The following HOOK1 variants were observed in gnomAD, a reference collection of about 807,000 sequenced individuals.
HOOK1 encodes the protein protein Hook homolog 1.
Under a neutral mutation model 112.8 loss-of-function variants are expected in HOOK1, and 60 were observed. The observed-to-expected ratio is 0.53, with a 90% CI of 0.43 to 0.66. The LOEUF (loss-of-function observed/expected upper bound fraction) is 0.66. Among genes scored for constraint, HOOK1 ranks in the 30% least tolerant of loss-of-function variants. The pLI, the probability that HOOK1 is intolerant of heterozygous loss-of-function variation, is 0.00. For missense variants in HOOK1, 770 were observed against 856.0 expected (o/e 0.90, Z 1.25); for synonymous variants, 294 against 283.8 (o/e 1.04, Z -0.36).
In HOOK1 at chr1:59,840,380, T is replaced by C. The variant is rs769540549; in HGVS notation, c.610T>C (p.Leu204=). 3.2e-6 allele frequency: 5 copies of C among 1,575,508 alleles called. No homozygotes were observed. Among genetic ancestry groups the C allele is most frequent in the African/African-American group, 1.4e-5 (1 of 73,024 alleles). ...KEELRQRCEE[L]DMQVTTLQDE... is the part of the protein sequence containing the mutation. ...AGAGCTGAGGCAAAGATGTGAAGAA[T>C]TGGATATGCAGGTACGGGAAAAAAC... The change falls in exon 8 of 22, where the codon TTG becomes CTG. Residue 204 remains leucine (L), a synonymous_variant. Transcript: ENST00000371208.
chr1:59,865,307 T>A, intron 18 of HOOK1, 62 bp downstream of exon 18: 1 of 984,758 alleles, frequency 1.0e-6, no homozygotes, highest in Non-Finnish European at 1.6e-6. Flanking sequence ...CCTTTTTTAT[T>A]GAAGGATCCA....
chr1:59,826,014 A>G (rs2098389629), intron 2 of HOOK1, among the ~76,000 whole-genome samples: 1 of 152,204 alleles, frequency 6.6e-6, no homozygotes, highest in African/African-American at 2.4e-5. Context: ...AGATTTCTGG[A>G]TATTTCAAGA....
intron 1 of HOOK1, among the ~76,000 whole-genome samples, chr1:59,816,856 A>C (rs2098381952): frequency 6.6e-6 from 1 of 152,188 alleles, no homozygotes; most frequent in Admixed American, 6.5e-5. Context: ...GACCGTGCAA[A>C]CTGTTGCCTC....
intron 12 of HOOK1, among the ~76,000 whole-genome samples, chr1:59,849,818 A>C (rs2098406180): frequency 6.6e-6 from 1 of 151,672 alleles, no homozygotes; most frequent in Non-Finnish European, 1.5e-5. Context: ...ATTGCCGAAT[A>C]ATGCCCCATT....
At position 59,867,869 on chromosome 1, in the gene HOOK1, A is replaced by G. The variant is rs182178984; in HGVS notation, c.1846-381A>G. On this transcript the variant is annotated intron_variant, in intron 19 of 21. Coordinates refer to ENST00000371208, the MANE Select transcript of HOOK1 (RefSeq NM_015888.6). ...CTTTATAAAATCAATGTTTCCTTAGAGTTATTGAATTCATTTTGATTTTTT... is the reference window on the plus strand; with the variant it reads ...CTTTATAAAATCAATGTTTCCTTAGGGTTATTGAATTCATTTTGATTTTTT... 3.9e-5 allele frequency among the ~76,000 whole-genome samples: 6 copies of G among 152,246 alleles called. No individual in the cohort carries two copies. The East Asian group carries it at 1.2e-3, about 29-fold the overall frequency.
chr1:59,863,765 C>A, intron 16 of HOOK1: 1 of 687,824 alleles, frequency 1.5e-6, no homozygotes, highest in African/African-American at 2.0e-5. Context: ...CATTTTCTTT[C>A]TGTCTTTTAT....
At chr1:59,854,210 CCTGA>C (rs1296537551) in intron 12 of HOOK1, among the ~76,000 whole-genome samples, 1 of 150,610 alleles carries the variant, frequency 6.6e-6, no homozygotes, top group African/African-American at 2.4e-5. Flanking sequence ...TGCCACCATG[CCTGA>C]CTAATTTTTG....
intron 14 of HOOK1, among the ~76,000 whole-genome samples, 191 bp from the exon 15 acceptor site, chr1:59,859,997 T>A (rs113511795): frequency 2.6e-5 from 4 of 152,282 alleles, no homozygotes; most frequent in African/African-American, 9.6e-5. Context: ...GTTTACATAA[T>A]TTTTTCTTAA....
At chr1:59,859,991 A>G (rs2098412702) in intron 14 of HOOK1, among the ~76,000 whole-genome samples, 197 bp from the exon 15 acceptor site, 1 of 152,122 alleles carries the variant, frequency 6.6e-6, no homozygotes, top group Non-Finnish European at 1.5e-5. Context: ...CTTGCAGTTT[A>G]CATAATTTTT....
intron 19 of HOOK1, 46 bp downstream of exon 19, chr1:59,866,018 T>A (rs2102072319): frequency 9.8e-7 from 1 of 1,018,532 alleles, no homozygotes; most frequent in African/African-American, 1.6e-5. Context: ...GGCCTGTGTT[T>A]TAGCAAGGCT....
chr1:59,823,292 C>A (rs2098387197), intron 2 of HOOK1, among the ~76,000 whole-genome samples: 1 of 152,324 alleles, frequency 6.6e-6, no homozygotes, highest in African/African-American at 2.4e-5. Flanking sequence ...TGCACTCCAG[C>A]CTGGGTGACA....
intron 9 of HOOK1, among the ~76,000 whole-genome samples, chr1:59,845,540 C>T (rs1382203414): frequency 6.6e-6 from 1 of 151,456 alleles, no homozygotes; most frequent in Non-Finnish European, 1.5e-5. Context: ...TGAGGAAATT[C>T]CCCTTGTTTC....
chr1:59,816,059 A>G (rs1232843716), intron 1 of HOOK1, among the ~76,000 whole-genome samples: 4 of 152,168 alleles, frequency 2.6e-5, no homozygotes, highest in Non-Finnish European at 5.9e-5. Context: ...TTGATGAGCC[A>G]CAAGGTGCTG....
intron 2 of HOOK1, among the ~76,000 whole-genome samples, chr1:59,825,388 G>A (rs1218356571): frequency 2.0e-5 from 3 of 152,116 alleles, no homozygotes; most frequent in Non-Finnish European, 4.4e-5. Flanking sequence ...GTAAGAGGGA[G>A]AAGAATGAGA....
chr1:59,873,127 C>A lies in HOOK1; in HGVS notation c.*162C>A. The A allele has an allele frequency of 1.9e-6, 1 of 527,108 alleles. No individual in the cohort carries two copies. The highest frequency in any genetic ancestry group is 3.0e-6 in the Non-Finnish European group (1 of 330,670). The allele number at this position is 527,108 out of a possible 1,614,324, so 32.7% of individuals were successfully genotyped here. The stretch of plus-strand genomic sequence containing the variant: ...GCATCAAATTAATTTTGCCAGTTGA[C>A]TTTAAAAACAAATTATAGAATTAGC... On this transcript the variant is annotated 3_prime_UTR_variant, in exon 22 of 22. Coordinates refer to ENST00000371208, the MANE Select transcript of HOOK1 (RefSeq NM_015888.6).
Position 59,828,841 on chromosome 1 carries a change from T to C in HOOK1, c.211T>C (p.Trp71Arg). The C allele has an allele frequency of 6.2e-7, 1 of 1,612,916 alleles. No homozygotes were observed. Among genetic ancestry groups the C allele is most frequent in the Middle Eastern group, 1.7e-4 (1 of 6,056 alleles). Residue 71 changes from tryptophan to arginine, a missense_variant, in exon 3 of 22, where the codon TGG becomes CGG. By Grantham distance (101) the Trp-to-Arg change is moderately radical (BLOSUM62 -3). Transcript: ENST00000371208. ...AATTAAAGAGGATGTTGGGGACAAC[T>C]GGAGAATAAAGGTATGCAGAACAAA... ...SRIKEDVGDN[W>R]RIKASNVKKV...
rs1158705356 is a variant in HOOK1, at chr1:59,875,140, G to C, written c.*2175G>C. On this transcript the variant is annotated 3_prime_UTR_variant, in exon 22 of 22. Transcript: ENST00000371208. The stretch of plus-strand genomic sequence containing the variant: ...TTGGTGTTTCTACTTGCTTATGATT[G>C]AGATTTTACAAGCCCTTCAAACTCC... 6.6e-6 allele frequency: 1 copy of C among 152,490 alleles called. No individual in the cohort carries two copies. The highest frequency in any genetic ancestry group is 2.4e-5 in the African/African-American group (1 of 41,418). 9.4% of individuals were successfully genotyped at this position (152,490 alleles called of 1,614,324 possible).
intron 2 of HOOK1, 150 bp downstream of exon 2, chr1:59,822,093 A>C (rs1336231408): frequency 6.1e-6 from 4 of 653,470 alleles, no homozygotes; most frequent in African/African-American, 3.7e-5. Context: ...TCTTGCAGGT[A>C]GGGAACAAAA....
chr1:59,857,846 T>C (rs2098411521), intron 12 of HOOK1, among the ~76,000 whole-genome samples: 1 of 152,204 alleles, frequency 6.6e-6, no homozygotes, highest in Admixed American at 6.5e-5. Context: ...CTTGCTGTCC[T>C]TGGGAAATGG....
Sources: allele counts gnomAD v4.1 joint callset (sites outside exome capture counted in the v4.1 genomes callset), GRCh38; gene constraint gnomAD v4.1.1; transcripts MANE v1.5; gene names NCBI Gene and HGNC (gene_info 2026-07-23, HGNC 2026-07-21).